CDHR1: variants seen among roughly 807,000 people sequenced by gnomAD.
The protein encoded by CDHR1 is cadherin-related family member 1.
CDHR1 carries 61 observed loss-of-function variants against 72.1 expected under a neutral mutation model. That is an observed-to-expected ratio of 0.85 (90% CI 0.69 to 1.05). The LOEUF (loss-of-function observed/expected upper bound fraction) is 1.05, where lower values mean the gene tolerates loss of function less well. Among genes scored for constraint, CDHR1 ranks in the 50% least tolerant of loss-of-function variants. The probability of loss-of-function intolerance (pLI) is 0.00; values close to 1 mark genes in which losing one functional copy is unlikely to be tolerated. For missense variants in CDHR1, 1,186 were observed against 1,115.7 expected (o/e 1.06, Z -0.90); for synonymous variants, 470 against 448.1 (o/e 1.05, Z -0.62).
chr10:84,212,996 T>C, intron 15 of CDHR1, 95 bp from the exon 16 acceptor site: 1 of 1,493,564 alleles, frequency 6.7e-7, no homozygotes, highest in Non-Finnish European at 9.3e-7. Context: ...CCATTTCCCA[T>C]CAACCCAGCA....
chr10:84,205,968 C>T (rs759098834), intron 10 of CDHR1, 41 bp downstream of exon 10: 1 of 1,474,068 alleles, frequency 6.8e-7, no homozygotes, highest in Non-Finnish European at 9.5e-7. Flanking sequence ...CCACCTTTGG[C>T]CCTGGAAGTC....
chr10:84,208,903 C>G (rs370515009), intron 12 of CDHR1, 22 bp downstream of exon 12: 18 of 1,611,382 alleles, frequency 1.1e-5, no homozygotes, highest in Non-Finnish European at 1.5e-5. Flanking sequence ...CCTGAATTCA[C>G]TGCCCTGAAT....
In CDHR1 at chr10:84,217,691, C is replaced by T. The variant is rs938806580; in HGVS notation, c.*3070C>T. On this transcript the variant is annotated 3_prime_UTR_variant, in exon 17 of 17. Transcript: ENST00000623527. ...ACCATGTCCTGAAAGAGAGGACCCC[C>T]TCCATGCATCCTCACCCCCCAGGAT... 1.3e-5 allele frequency: 13 copies of T among 985,510 alleles called. No individual in the cohort carries two copies. The African/African-American group carries it at 1.9e-4, about 15-fold the overall frequency. The allele number at this position is 985,510 out of a possible 1,614,324, so 61.0% of individuals were successfully genotyped here. A position where few individuals can be genotyped will look rare whatever the true frequency, so the allele number is the denominator to read the frequency against.
At chr10:84,201,475 A>G (rs765630408) in intron 6 of CDHR1, among the ~76,000 whole-genome samples, 3 of 152,190 alleles carry the variant, frequency 2.0e-5, no homozygotes, top group Non-Finnish European at 4.4e-5. Context: ...TCTGGGTTAG[A>G]TTACTCCGCA....
At chr10:84,202,236 C>T (rs544555600) in intron 7 of CDHR1, among the ~76,000 whole-genome samples, 34 of 152,278 alleles carry the variant, frequency 2.2e-4, no homozygotes, top group African/African-American at 7.0e-4. Flanking sequence ...ACCTCCCTCT[C>T]GCTGGCCAGG....
At chr10:84,199,908 C>A (rs536269151) in intron 5 of CDHR1, among the ~76,000 whole-genome samples, 1 of 152,186 alleles carries the variant, frequency 6.6e-6, no homozygotes, top group Non-Finnish European at 1.5e-5. Context: ...CACGGTGGCT[C>A]ACACCTGTAA....
chr10:84,213,922 A>G (rs1314587760), intron 16 of CDHR1, among the ~76,000 whole-genome samples, 160 bp from the exon 17 acceptor site: 1 of 152,184 alleles, frequency 6.6e-6, no homozygotes, highest in Non-Finnish European at 1.5e-5. Flanking sequence ...CTCTGTGTGC[A>G]TTTTCCTGGA....
At chr10:84,218,984 T>C (rs967298107), downstream of CDHR1, 6 of 569,796 alleles carry the variant, frequency 1.1e-5, no homozygotes, top group African/African-American at 9.6e-5. Context: ...AAAAGCCTCG[T>C]ATAATTACCA....
Position 84,218,482 on chromosome 10 carries a change from T to C in CDHR1, c.*3861T>C. On this transcript the variant is annotated 3_prime_UTR_variant, in exon 17 of 17. Transcript: ENST00000623527. ...CTTCTGTGCCAGGCTCTCTTCTAGG[T>C]GTTAGGTGTATGTCTCTAACAAGAT... The C allele has an allele frequency of 7.1e-6, 7 of 985,452 alleles. No homozygotes were observed. The highest frequency in any genetic ancestry group is 8.4e-6 in the Non-Finnish European group (7 of 829,930). The allele number at this position is 985,452 out of a possible 1,614,324, so 61.0% of individuals were successfully genotyped here.
rs1480966260 is a variant in CDHR1 at position 84,211,672 on chromosome 10, T to C, written c.1510T>C (p.Trp504Arg). The C allele has an allele frequency of 1.2e-6, 2 of 1,614,028 alleles. No individual in the cohort carries two copies. Among genetic ancestry groups the C allele is most frequent in the Non-Finnish European group, 1.7e-6 (2 of 1,180,018 alleles). ...VTAVDPDTGP[W>R]GEVKYSTYGT... ...GGCTGTGGATCCAGATACAGGACCCTGGGGCGAAGTGAAATATTCCACCTA... is the reference window on the plus strand; with the variant it reads ...GGCTGTGGATCCAGATACAGGACCCCGGGGCGAAGTGAAATATTCCACCTA... Residue 504 changes from tryptophan to arginine, a missense_variant, in exon 14 of 17, where the codon TGG (tryptophan) becomes CGG (arginine). Coordinates refer to ENST00000623527, the MANE Select transcript of CDHR1 (RefSeq NM_033100.4).
chr10:84,203,261 AC>A, intron 8 of CDHR1, 138 bp downstream of exon 8: 3 of 1,105,262 alleles, frequency 2.7e-6, no homozygotes, highest in Non-Finnish European at 4.0e-6. Flanking sequence ...CTCTGGACTC[AC>A]CCAGCCTCAG....
In CDHR1 at chr10:84,216,208, T is replaced by C; in HGVS notation, c.*1587T>C. 2 of 985,500 alleles carry C rather than the reference T, an allele frequency of 2.0e-6. No individual in the cohort carries two copies. The highest frequency in any genetic ancestry group is 2.4e-6 in the Non-Finnish European group (2 of 829,956). 61.0% of individuals were successfully genotyped at this position (985,500 alleles called of 1,614,324 possible). ...TAACAACCCCTCTAGAATACATTGG[T>C]GATTTCATTTAAAGAGATTGTATGC... On this transcript the variant is annotated 3_prime_UTR_variant, in exon 17 of 17. Transcript: ENST00000623527.
chr10:84,208,793 A>T lies in CDHR1; in HGVS notation c.1232A>T (p.Gln411Leu), dbSNP rs1842277938. Reference protein sequence around the residue: ...GPRGIFRVVPQTVLNEAQVTI... With the variant: ...GPRGIFRVVPLTVLNEAQVTI... ...AGGGGCATCTTCCGAGTGGTTCCAC[A>T]GACAGTCCTGAATGAAGCCCAAGTC... Residue 411 changes from glutamine (Q) to leucine (L), a missense_variant, in exon 12 of 17, where the codon CAG becomes CTG. Physicochemically the swap from Gln to Leu is moderately radical, Grantham distance 113 (BLOSUM62 -2). Coordinates refer to ENST00000623527, the MANE Select transcript of CDHR1 (RefSeq NM_033100.4). 3 of 1,614,102 alleles carry T rather than the reference A, an allele frequency of 1.9e-6. No individual in the cohort carries two copies. The African/African-American group carries it at 4.0e-5, about 22-fold the overall frequency.
rs143621397 is a variant in CDHR1, at chr10:84,208,324, C to T, written c.1114C>T (p.Pro372Ser). ...RFELSMNEHP[P>S]QGEILRGLKI... ...TGAGCTGTCCATGAATGAGCACCCA[C>T]CCCAGGGAGAGATCCTGCGGGGCCT... The change falls in exon 11 of 17, where the codon CCC (proline) becomes TCC (serine). Residue 372 changes from proline to serine, a missense_variant. Coordinates refer to ENST00000623527, the MANE Select transcript of CDHR1 (RefSeq NM_033100.4). The T allele has an allele frequency of 2.9e-5, 47 of 1,614,020 alleles. No homozygotes were observed. The highest frequency in any genetic ancestry group is 1.4e-4 in the South Asian group (13 of 91,076).
At chr10:84,197,966 C>T (rs1842057766) in intron 4 of CDHR1, 130 bp downstream of exon 4, 1 of 871,678 alleles carries the variant, frequency 1.1e-6, no homozygotes, top group African/African-American at 1.7e-5. Flanking sequence ...CCCAGCAAGA[C>T]CTGCCCAAAG....
Position 84,211,003 on chromosome 10 carries a change from C to A in CDHR1, c.1323C>A (p.Leu441=). The A allele has an allele frequency of 6.2e-7, 1 of 1,614,192 alleles. No homozygotes were observed. The highest frequency in any genetic ancestry group is 8.5e-7 in the Non-Finnish European group (1 of 1,180,040). ...FEKSKVLTFK[L]LAVEVNTPEK... Reference sequence around the variant, plus strand: ...TCCCCATTTTCCCCCCTTCCCAGCTCCTGGCTGTTGAAGTGAACACCCCAG... The same window carrying A: ...TCCCCATTTTCCCCCCTTCCCAGCTACTGGCTGTTGAAGTGAACACCCCAG... Residue 441 remains leucine, a splice_region_variant and synonymous_variant, in exon 13 of 17, where the codon CTC becomes CTA. Transcript: ENST00000623527.
At chr10:84,213,976 C>A in intron 16 of CDHR1, 106 bp from the exon 17 acceptor site, 1 of 1,465,148 alleles carries the variant, frequency 6.8e-7, no homozygotes, top group Non-Finnish European at 9.5e-7. Context: ...GGACTCCTGA[C>A]TCCAGAAAGT....
rs1021679167 is a variant in CDHR1 at position 84,216,372 on chromosome 10, G to A, written c.*1751G>A. On this transcript the variant is annotated 3_prime_UTR_variant, in exon 17 of 17. Coordinates refer to ENST00000623527, the MANE Select transcript of CDHR1 (RefSeq NM_033100.4). ...AGAGGTGGACTCGAGCAATCCAGGAGCCCAGACTGAGCAAATAAGTACTTT... is the reference window on the plus strand; with the variant it reads ...AGAGGTGGACTCGAGCAATCCAGGAACCCAGACTGAGCAAATAAGTACTTT... The A allele has an allele frequency of 9.1e-6, 9 of 985,404 alleles. No homozygotes were observed. The African/African-American group carries it at 1.2e-4, about 13-fold the overall frequency. 61.0% of individuals were successfully genotyped at this position (985,404 alleles called of 1,614,324 possible).
intron 6 of CDHR1, among the ~76,000 whole-genome samples, chr10:84,201,191 G>C (rs935433460): frequency 1.8e-4 from 27 of 152,192 alleles, no homozygotes; most frequent in African/African-American, 6.5e-4. Context: ...ACATGGGAGT[G>C]ATAAAAACAC....
Sources: allele counts gnomAD v4.1 joint callset (sites outside exome capture counted in the v4.1 genomes callset), GRCh38; gene constraint gnomAD v4.1.1; transcripts MANE v1.5; gene names NCBI Gene and HGNC (gene_info 2026-07-23, HGNC 2026-07-21).